AGMO: variants seen among roughly 807,000 people sequenced by gnomAD.
AGMO encodes alkylglycerol monooxygenase.
AGMO carries 75 observed loss-of-function variants against 60.2 expected under a neutral mutation model. The observed-to-expected ratio is 1.25, with a 90% CI of 1.03 to 1.51. The LOEUF is 1.51. AGMO is among the 40% of genes most tolerant of loss of function. The pLI is 0.00. For synonymous variants in AGMO, 261 were observed against 177.1 expected (o/e 1.47, Z -3.76); for missense variants, 763 against 525.5 (o/e 1.45, Z -4.42).
intron 12 of AGMO, among the ~76,000 whole-genome samples, chr7:15,212,451 G>A (rs954606873): frequency 6.6e-6 from 1 of 151,824 alleles, no homozygotes; most frequent in Admixed American, 6.6e-5. Flanking sequence ...ATACGGCCCT[G>A]AGTTTTTCAT....
chr7:15,296,566 A>G (rs1339085758), intron 12 of AGMO, among the ~76,000 whole-genome samples: 1 of 151,768 alleles, frequency 6.6e-6, no homozygotes, highest in African/African-American at 2.4e-5. Context: ...AGTCTTCCTC[A>G]TGGTTTACAT....
intron 2 of AGMO, among the ~76,000 whole-genome samples, chr7:15,548,765 T>A (rs865913012): frequency 6.6e-6 from 1 of 152,008 alleles, no homozygotes; most frequent in Admixed American, 6.6e-5. Flanking sequence ...CAGGAGAACT[T>A]CCCCAATCTA....
chr7:15,483,861 C>A (rs568227038), intron 3 of AGMO, among the ~76,000 whole-genome samples: 1 of 151,856 alleles, frequency 6.6e-6, no homozygotes, highest in South Asian at 2.1e-4. Flanking sequence ...TTCAGGGGAC[C>A]ATTCCAACAA....
At chr7:15,213,217 T>C (rs1423785686) in intron 12 of AGMO, among the ~76,000 whole-genome samples, 2 of 151,792 alleles carry the variant, frequency 1.3e-5, no homozygotes, top group African/African-American at 4.8e-5. Flanking sequence ...CAATCAAAAA[T>C]ATAAAGAAGT....
At chr7:15,441,199 T>C (rs763389948) in intron 3 of AGMO, among the ~76,000 whole-genome samples, 3 of 152,244 alleles carry the variant, frequency 2.0e-5, no homozygotes, top group Admixed American at 6.5e-5. Flanking sequence ...TTTACTACAC[T>C]TCTCAAACAT....
intron 4 of AGMO, 26 bp from the exon 5 acceptor site, chr7:15,418,679 T>A: frequency 7.4e-7 from 1 of 1,357,854 alleles, no homozygotes; most frequent in Non-Finnish European, 1.0e-6. Context: ...AAAAAAAAAT[T>A]AATTTGCATA....
At chr7:15,352,773 T>C in intron 12 of AGMO, among the ~76,000 whole-genome samples, 1 of 151,834 alleles carries the variant, frequency 6.6e-6, no homozygotes, top group Non-Finnish European at 1.5e-5. Context: ...CTTAGAGCCA[T>C]TATCTAGTAT....
chr7:15,269,215 G>T (rs1346730073), intron 12 of AGMO, among the ~76,000 whole-genome samples: 1 of 152,056 alleles, frequency 6.6e-6, no homozygotes, highest in Non-Finnish European at 1.5e-5. Context: ...GCTGACTCCT[G>T]ATTTAGCAGC....
chr7:15,316,383 T>C (rs1172615434), intron 12 of AGMO, among the ~76,000 whole-genome samples: 1 of 152,046 alleles, frequency 6.6e-6, no homozygotes, highest in Admixed American at 6.6e-5. Context: ...GCCAGTGGCG[T>C]CTGAAATACA....
At chr7:15,145,642 ACCTTATTT>A in the AGMO span, among the ~76,000 whole-genome samples, 1 of 152,124 alleles carries the variant, frequency 6.6e-6, no homozygotes, top group African/African-American at 2.4e-5. Flanking sequence ...TTGTATTTTT[ACCTTATTT>A]TAAATTACTT....
chr7:15,388,220 T>A (rs1244707327), intron 8 of AGMO, among the ~76,000 whole-genome samples: 1 of 152,176 alleles, frequency 6.6e-6, no homozygotes, highest in Non-Finnish European at 1.5e-5. Flanking sequence ...TCTGAAGCAA[T>A]TCAGAAATAA....
At chr7:15,141,013 C>T in the AGMO span, among the ~76,000 whole-genome samples, 5 of 152,110 alleles carry the variant, frequency 3.3e-5, no homozygotes, top group Non-Finnish European at 7.3e-5. Context: ...ATTTTCTCCT[C>T]CCAGGAATCA....
chr7:15,354,397 CGT>C (rs1207924642), intron 12 of AGMO, among the ~76,000 whole-genome samples: 401 of 24,952 alleles, frequency 0.016, 29 homozygotes, highest in African/African-American at 0.047. Flanking sequence ...TGTGTATACA[CGT>C]GTGTGTACAC....
At chr7:15,507,910 G>C (rs1169629856) in intron 3 of AGMO, among the ~76,000 whole-genome samples, 3 of 152,036 alleles carry the variant, frequency 2.0e-5, no homozygotes, top group Non-Finnish European at 4.4e-5. Flanking sequence ...ATATGAAAGG[G>C]GTGGGATAGG....
chr7:15,269,145 A>C (rs190958807), intron 12 of AGMO, among the ~76,000 whole-genome samples: 24 of 152,200 alleles, frequency 1.6e-4, no homozygotes, highest in African/African-American at 5.5e-4. Context: ...GAAATTACTA[A>C]AAGTGGTTGT....
chr7:15,176,305 A>G, the AGMO span, among the ~76,000 whole-genome samples: 1 of 151,866 alleles, frequency 6.6e-6, no homozygotes, highest in Non-Finnish European at 1.5e-5. Flanking sequence ...AGATGGACTA[A>G]GACAGAAGCC....
At chr7:15,183,616 G>C in the AGMO span, among the ~76,000 whole-genome samples, 366 of 152,184 alleles carry the variant, frequency 2.4e-3, 7 homozygotes, top group Admixed American at 0.022. Context: ...CACTTGACTT[G>C]TAGAAAGTTG....
chr7:15,255,711 T>C (rs1290119753), intron 12 of AGMO, among the ~76,000 whole-genome samples: 2 of 152,292 alleles, frequency 1.3e-5, no homozygotes, highest in East Asian at 1.9e-4. Flanking sequence ...GTTAAATATA[T>C]GCAAATTAAT....
the AGMO span, among the ~76,000 whole-genome samples, chr7:15,173,004 T>G: frequency 6.6e-6 from 1 of 152,310 alleles, no homozygotes; most frequent in African/African-American, 2.4e-5. Context: ...TTACATATCC[T>G]TATGACATAA....
Sources: allele counts gnomAD v4.1 joint callset (sites outside exome capture counted in the v4.1 genomes callset), GRCh38; gene constraint gnomAD v4.1.1; transcripts MANE v1.5; gene names NCBI Gene and HGNC (gene_info 2026-07-23, HGNC 2026-07-21).